Variants in PTP4A3 observed in about 807,000 individuals in gnomAD.
PTP4A3 encodes protein tyrosine phosphatase 4A3, also known as protein tyrosine phosphatase type IVA 3.
A neutral mutation model predicts 15.2 loss-of-function variants in PTP4A3; 9 were observed. The ratio of observed to expected loss-of-function variants is 0.59; its 90% CI spans 0.36 to 1.03. PTP4A3 has a LOEUF of 1.03. Among genes scored for constraint, PTP4A3 ranks in the 50% least tolerant of loss-of-function variants. The probability of loss-of-function intolerance (pLI) is 0.02; values close to 1 mark genes in which losing one functional copy is unlikely to be tolerated. For missense variants in PTP4A3, 234 were observed against 252.1 expected (o/e 0.93, Z 0.49); for synonymous variants, 95 against 102.0 (o/e 0.93, Z 0.41).
rs1445665883 is a variant in PTP4A3 at position 141,431,287 on chromosome 8, T to A, written c.*243T>A. ...CCACTCCCTCTGGCGGCGCTGGCCGTGGCTCTGTCTCTCTGAGGTGGGTCG... is the reference window on the plus strand; with the variant it reads ...CCACTCCCTCTGGCGGCGCTGGCCGAGGCTCTGTCTCTCTGAGGTGGGTCG... On this transcript the variant is annotated 3_prime_UTR_variant, in exon 6 of 6. Transcript: ENST00000521578. The A allele has an allele frequency of 1.8e-6, 1 of 557,756 alleles. No individual in the cohort carries two copies. The highest frequency in any genetic ancestry group is 3.2e-6 in the Non-Finnish European group (1 of 314,360). The allele number at this position is 557,756 out of a possible 1,614,324, so 34.6% of individuals were successfully genotyped here.
At chr8:141,424,110 A>G (rs1292142913) in intron 2 of PTP4A3, among the ~76,000 whole-genome samples, 1 of 152,002 alleles carries the variant, frequency 6.6e-6, no homozygotes, top group South Asian at 2.1e-4. Flanking sequence ...GAGGTACCCC[A>G]TGGCCACAGA....
chr8:141,410,628 G>A (rs2129937015), intron 1 of PTP4A3, among the ~76,000 whole-genome samples: 1 of 152,342 alleles, frequency 6.6e-6, no homozygotes, highest in Middle Eastern at 3.4e-3. Flanking sequence ...GGTCCATGAA[G>A]GACAGCCTTC....
intron 2 of PTP4A3, among the ~76,000 whole-genome samples, chr8:141,422,788 C>T (rs1833397436): frequency 6.6e-6 from 1 of 152,156 alleles, no homozygotes; most frequent in African/African-American, 2.4e-5. Context: ...GCCCAGATCT[C>T]TGTGTGAGGA....
intron 1 of PTP4A3, among the ~76,000 whole-genome samples, chr8:141,392,938 C>T (rs1382610045): frequency 7.0e-6 from 1 of 142,522 alleles, no homozygotes; most frequent in Non-Finnish European, 1.6e-5. Context: ...CGTGCTGCAC[C>T]CCCTCTCTCT....
intron 5 of PTP4A3, 122 bp downstream of exon 5, chr8:141,427,946 A>G (rs1833662602): frequency 1.0e-6 from 1 of 963,010 alleles, no homozygotes; most frequent in Non-Finnish European, 1.5e-6. Flanking sequence ...CGATCAGCAC[A>G]AGCTGGGCCT....
At chr8:141,417,825 G>A (rs979874611) in intron 1 of PTP4A3, among the ~76,000 whole-genome samples, 32 of 152,096 alleles carry the variant, frequency 2.1e-4, no homozygotes, top group Non-Finnish European at 4.0e-4. Flanking sequence ...AGGTGTGGGA[G>A]CCCCCGGCAG....
intron 1 of PTP4A3, among the ~76,000 whole-genome samples, chr8:141,394,456 G>T (rs2129762022): frequency 6.6e-6 from 1 of 152,258 alleles, no homozygotes; most frequent in African/African-American, 2.4e-5. Flanking sequence ...CACCCTGGCC[G>T]CCCTTGCTGT....
Position 141,431,021 on chromosome 8 carries a change from A to G in PTP4A3, c.499A>G (p.Lys167Glu). The change falls in exon 6 of 6, where the codon AAG (lysine) becomes GAG (glutamate). Residue 167 changes from lysine (K) to glutamate (E), a missense_variant. By Grantham distance (56) the Lys-to-Glu change is moderately conservative. Transcript: ENST00000521578. ...GCGGTTCAAAGACCCACACACGCACAAGACCCGGTGCTGCGTTATGTAGCT... is the reference window on the plus strand; with the variant it reads ...GCGGTTCAAAGACCCACACACGCACGAGACCCGGTGCTGCGTTATGTAGCT... ...RLRFKDPHTH[K>E]TRCCVM 1 of 1,613,242 alleles carries G rather than the reference A, an allele frequency of 6.2e-7. No homozygotes were observed. The highest frequency in any genetic ancestry group is 8.5e-7 in the Non-Finnish European group (1 of 1,179,930).
rs537900566 is a variant in PTP4A3 at position 141,419,258 on chromosome 8, G to C, written c.-853-2130G>C. 2.5e-4 allele frequency among the ~76,000 whole-genome samples: 38 copies of C among 152,316 alleles called. No individual in the cohort carries two copies. In the South Asian group the frequency reaches 7.7e-3, roughly 31 times the overall value. ...GTGCTGGTGCCTGTGGGGTCTTCCT[G>C]GGTCCCTGGCAGCTGTAGGTGTGAG... On this transcript the variant is annotated intron_variant, in intron 1 of 5. Coordinates refer to ENST00000521578, the MANE Select transcript of PTP4A3 (RefSeq NM_032611.3).
At chr8:141,415,772 T>TGCGGAGAGGGGATGGGGC (rs1833026351) in intron 1 of PTP4A3, among the ~76,000 whole-genome samples, 1 of 22,358 alleles carries the variant, frequency 4.5e-5, no homozygotes, top group African/African-American at 1.6e-4. Flanking sequence ...GGGTGTGGGG[T>TGCGGAGAGGGGATGGGGC]GGGGTGGGGA....
intron 3 of PTP4A3, chr8:141,426,329 G>T: frequency 1.5e-6 from 1 of 656,486 alleles, no homozygotes; most frequent in South Asian, 6.8e-5. Flanking sequence ...TGGGGGACGG[G>T]ACAGTGGGAA....
intron 5 of PTP4A3, among the ~76,000 whole-genome samples, chr8:141,429,462 A>G (rs1484909811): frequency 6.6e-6 from 1 of 152,268 alleles, no homozygotes; most frequent in Admixed American, 6.5e-5. Flanking sequence ...CACCCCAGCC[A>G]GGTACATGTG....
Position 141,425,506 on chromosome 8 carries a change from G to C in PTP4A3, c.198+366G>C, listed in dbSNP as rs1015117585. 2.0e-5 allele frequency among the ~76,000 whole-genome samples: 3 copies of C among 151,550 alleles called. No homozygotes were observed. Among genetic ancestry groups the C allele is most frequent in the Non-Finnish European group, 4.4e-5 (3 of 67,848 alleles). On this transcript the variant is annotated intron_variant, in intron 3 of 5. Coordinates refer to ENST00000521578, the MANE Select transcript of PTP4A3 (RefSeq NM_032611.3). This position sits in a 1 kb window ranked among gnomAD's most constrained non-coding sequence, Gnocchi z 4.2. ...TCAGTCTTGCTGCCTGGGCGGCTGG[G>C]GCCCTGTTGCCAGGCAGCAGGCTCC...
At chr8:141,410,221 G>T (rs1044210264) in intron 1 of PTP4A3, among the ~76,000 whole-genome samples, 1 of 152,256 alleles carries the variant, frequency 6.6e-6, no homozygotes, top group Non-Finnish European at 1.5e-5. Context: ...GGCAGGAGTC[G>T]GGAGGCCCCG....
intron 1 of PTP4A3, among the ~76,000 whole-genome samples, chr8:141,413,056 C>A (rs1189194856): frequency 2.6e-5 from 4 of 152,196 alleles, no homozygotes; most frequent in African/African-American, 9.7e-5. Flanking sequence ...GCCATGCGGA[C>A]CCTTGGAGAG....
chr8:141,413,256 C>T (rs909052270), intron 1 of PTP4A3, among the ~76,000 whole-genome samples: 2 of 152,168 alleles, frequency 1.3e-5, no homozygotes, highest in African/African-American at 2.4e-5. Flanking sequence ...GGGACTGGGG[C>T]GGGGAGAGGC....
chr8:141,428,099 G>A (rs929420895), intron 5 of PTP4A3, among the ~76,000 whole-genome samples: 6 of 151,952 alleles, frequency 3.9e-5, no homozygotes, highest in Admixed American at 3.9e-4. Context: ...TCCTTCTGTC[G>A]CAGCCATCCT....
chr8:141,404,253 G>A (rs1376690458), intron 1 of PTP4A3, among the ~76,000 whole-genome samples: 1 of 152,294 alleles, frequency 6.6e-6, no homozygotes, highest in Non-Finnish European at 1.5e-5. Flanking sequence ...AAGCAACAGT[G>A]TTATTTGAGG....
intron 1 of PTP4A3, among the ~76,000 whole-genome samples, chr8:141,416,948 C>T (rs1022862010): frequency 1.1e-4 from 17 of 152,256 alleles, no homozygotes; most frequent in African/African-American, 4.1e-4. Flanking sequence ...GCCACACCTC[C>T]AGGGACCCTG....
Sources: allele counts gnomAD v4.1 joint callset (sites outside exome capture counted in the v4.1 genomes callset), GRCh38; gene constraint gnomAD v4.1.1; non-coding constraint Gnocchi (gnomAD v3.1); transcripts MANE v1.5; gene names NCBI Gene and HGNC (gene_info 2026-07-23, HGNC 2026-07-21).